RBBP4: variants seen among roughly 807,000 people sequenced by gnomAD.
RBBP4 encodes RB binding protein 4, chromatin remodeling factor.
A neutral mutation model predicts 57.2 loss-of-function variants in RBBP4; 3 were observed. The ratio of observed to expected loss-of-function variants is 0.05; its 90% CI spans 0.02 to 0.14. The LOEUF (loss-of-function observed/expected upper bound fraction) is 0.14. Among genes scored for constraint, RBBP4 ranks in the 10% least tolerant of loss-of-function variants. The probability of loss-of-function intolerance (pLI) is 1.00; values close to 1 mark genes in which losing one functional copy is unlikely to be tolerated. For synonymous variants in RBBP4, 151 were observed against 171.5 expected (o/e 0.88, Z 0.93); for missense variants, 107 against 520.6 (o/e 0.21, Z 7.73).
chr1:32,651,777 G>A, intron 1 of RBBP4, 137 bp from the exon 2 acceptor site: 1 of 1,049,272 alleles, frequency 9.5e-7, no homozygotes, highest in Non-Finnish European at 1.4e-6. Context: ...TGGAGAGTGT[G>A]GATGCCTCTG....
intron 2 of RBBP4, 52 bp downstream of exon 2, chr1:32,652,113 TC>T (rs1269161390): frequency 6.5e-7 from 1 of 1,544,882 alleles, no homozygotes; most frequent in East Asian, 2.3e-5. Context: ...TGTAGATTTC[TC>T]ATATTGATTT....
Position 32,672,839 on chromosome 1 carries a change from C to A in RBBP4, c.1150C>A (p.Pro384Thr), listed in dbSNP as rs1648934338. 3 of 1,613,844 alleles carry A rather than the reference C, an allele frequency of 1.9e-6. No homozygotes were observed. The highest frequency in any genetic ancestry group is 2.5e-6 in the Non-Finnish European group (3 of 1,179,816). ...TAKISDFSWNPNEPWVICSVS... is the reference protein window; with the variant it reads ...TAKISDFSWNTNEPWVICSVS... ...CAAGATATCTGATTTCTCCTGGAATCCCAATGAACCTTGGGTGATTTGTTC... is the reference window on the plus strand; with the variant it reads ...CAAGATATCTGATTTCTCCTGGAATACCAATGAACCTTGGGTGATTTGTTC... Residue 384 changes from proline to threonine, a missense_variant, in exon 11 of 12, where the codon CCC (proline) becomes ACC (threonine). Coordinates refer to ENST00000373493, the MANE Select transcript of RBBP4 (RefSeq NM_005610.3).
chr1:32,659,954 A>G (rs1648328161), intron 3 of RBBP4, among the ~76,000 whole-genome samples: 3 of 152,180 alleles, frequency 2.0e-5, no homozygotes, highest in Admixed American at 2.0e-4. Context: ...TATAATTGAT[A>G]CTGCTAAGTT....
chr1:32,653,048 A>G (rs187267534), intron 2 of RBBP4, among the ~76,000 whole-genome samples: 35 of 152,340 alleles, frequency 2.3e-4, no homozygotes, highest in Admixed American at 2.1e-3. Context: ...AGTGAGGGCT[A>G]AAAGATTAAT....
At chr1:32,658,202 A>G (rs977236270) in intron 3 of RBBP4, among the ~76,000 whole-genome samples, 1 of 152,126 alleles carries the variant, frequency 6.6e-6, no homozygotes, top group African/African-American at 2.4e-5. Context: ...TAAGGAGGTG[A>G]AAATTGGTTT....
chr1:32,668,672 C>A, intron 4 of RBBP4, 67 bp from the exon 5 acceptor site: 1 of 1,293,670 alleles, frequency 7.7e-7, no homozygotes, highest in South Asian at 1.2e-5. Context: ...GACCAAAATT[C>A]CATTATGCTC....
In RBBP4 at chr1:32,676,628, AG is replaced by A. The variant is rs869268272; in HGVS notation, c.1213-3011del. The stretch of plus-strand genomic sequence containing the variant: ...ACTCCATCTCAAAAAAAAAAAAAAA[AG>A]AAAAAGAAAAGCTGTTTGCTAAAAT... On this transcript the variant is annotated intron_variant, in intron 11 of 11. Coordinates refer to ENST00000373493, the MANE Select transcript of RBBP4 (RefSeq NM_005610.3). Among the ~76,000 whole-genome samples, 300 of 37,324 alleles carry A rather than the reference AG, an allele frequency of 8.0e-3. 10 individuals are homozygous for A. In the Middle Eastern group the frequency reaches 0.13, roughly 16 times the overall value. 24.5% of individuals were successfully genotyped at this position (37,324 alleles called of 152,430 possible). A position where few individuals can be genotyped will look rare whatever the true frequency, so the allele number is the denominator to read the frequency against.
chr1:32,667,592 T>G (rs572533522), intron 3 of RBBP4, among the ~76,000 whole-genome samples: 1 of 152,224 alleles, frequency 6.6e-6, no homozygotes, highest in Non-Finnish European at 1.5e-5. Flanking sequence ...TTATTTCTTA[T>G]GATCTCTCAT....
intron 3 of RBBP4, among the ~76,000 whole-genome samples, chr1:32,661,301 C>CTT (rs370489912): frequency 0.78 from 103,524 of 131,964 alleles, 42,644 homozygotes; most frequent in Non-Finnish European, 0.89. Flanking sequence ...ATTTTTAGTT[C>CTT]CTTTTTTTTT....
chr1:32,678,197 C>T (rs376610970), intron 11 of RBBP4, among the ~76,000 whole-genome samples: 6 of 152,254 alleles, frequency 3.9e-5, no homozygotes, highest in East Asian at 3.9e-4. Context: ...AGTCCCCCAG[C>T]CCTAGGCAGC....
Position 32,668,401 on chromosome 1 carries a change from A to G in RBBP4, c.484+3A>G, listed in dbSNP as rs1435889298. ...TACAAAACATCCTTCTAAACCAGGTATGTGCCCTTTTCTATTCAAATACAA... is the reference window on the plus strand; with the variant it reads ...TACAAAACATCCTTCTAAACCAGGTGTGTGCCCTTTTCTATTCAAATACAA... On this transcript the variant is annotated splice_donor_region_variant and intron_variant, in intron 4 of 11. Coordinates refer to ENST00000373493, the MANE Select transcript of RBBP4 (RefSeq NM_005610.3). 3.8e-6 allele frequency: 6 copies of G among 1,581,612 alleles called. No individual in the cohort carries two copies. Among genetic ancestry groups the G allele is most frequent in the South Asian group, 3.4e-5 (3 of 89,074 alleles).
At chr1:32,652,321 G>T in intron 2 of RBBP4, 2 of 378,754 alleles carry the variant, frequency 5.3e-6, no homozygotes, top group Admixed American at 4.0e-5. Flanking sequence ...AATAATAGTG[G>T]CTGTACCAAA....
At chr1:32,665,675 C>CT (rs1334371332) in intron 3 of RBBP4, among the ~76,000 whole-genome samples, 2 of 46,852 alleles carry the variant, frequency 4.3e-5, no homozygotes, top group Admixed American at 2.4e-4. Context: ...AAGACCCTGT[C>CT]TTTAAAAAAA....
chr1:32,653,301 TAAC>T (rs1239708855), intron 2 of RBBP4, among the ~76,000 whole-genome samples: 1 of 152,204 alleles, frequency 6.6e-6, no homozygotes, highest in East Asian at 1.9e-4. Flanking sequence ...AACATAGTTT[TAAC>T]AAGACCATTG....
rs368524878 is a variant in RBBP4 at position 32,663,437 on chromosome 1, A to T, written c.311-4788A>T. ...CACCTATTTATTTATTTTGTATTAT[A>T]TTACTATATATGTATTTTTTCAGAC... On this transcript the variant is annotated intron_variant, in intron 3 of 11. Transcript: ENST00000373493. Among the ~76,000 whole-genome samples the T allele has an allele frequency of 3.3e-5, 5 of 152,144 alleles. No homozygotes were observed. The East Asian group carries it at 5.8e-4, about 18-fold the overall frequency.
intron 3 of RBBP4, among the ~76,000 whole-genome samples, chr1:32,664,569 C>T (rs959987971): frequency 2.0e-5 from 3 of 152,112 alleles, no homozygotes; most frequent in African/African-American, 4.8e-5. Context: ...TCTCTTGCCT[C>T]AGTCTCCTGA....
chr1:32,669,432 G>A lies in RBBP4; in HGVS notation c.889-54G>A, dbSNP rs1191969202. 1.9e-6 allele frequency: 3 copies of A among 1,564,028 alleles called. No homozygotes were observed. Among genetic ancestry groups the A allele is most frequent in the South Asian group, 1.2e-5 (1 of 82,718 alleles). On this transcript the variant is annotated intron_variant, in intron 7 of 11. Transcript: ENST00000373493. This position sits in a 1 kb window ranked among gnomAD's most constrained non-coding sequence, Gnocchi z 4.9. ...GAATTGCAGAGATATTTTACTTACA[G>A]TATTTTTTTTTTCTTAAAAAATTGA...
chr1:32,668,147 T>C, intron 3 of RBBP4, 78 bp from the exon 4 acceptor site: 2 of 1,358,794 alleles, frequency 1.5e-6, no homozygotes, highest in Non-Finnish European at 2.0e-6. Flanking sequence ...AAAAAAATCC[T>C]TTCCTGTGTT....
intron 3 of RBBP4, among the ~76,000 whole-genome samples, chr1:32,667,601 A>G (rs1158182267): frequency 6.6e-6 from 1 of 152,016 alleles, no homozygotes; most frequent in African/African-American, 2.4e-5. Context: ...ATGATCTCTC[A>G]TCTCCGCACA....
Sources: gnomAD v4.1 joint callset for allele counts (sites outside exome capture counted in the v4.1 genomes callset) on GRCh38, gnomAD v4.1.1 for gene constraint, Gnocchi (gnomAD v3.1) non-coding constraint, MANE v1.5 for transcripts, NCBI Gene and HGNC (gene_info 2026-07-23, HGNC 2026-07-21) for gene names.